The following ZNF439 variants were observed in gnomAD, a reference collection of about 807,000 sequenced individuals.
ZNF439 encodes the protein zinc finger protein 439.
ZNF439 carries 40 observed loss-of-function variants against 47.3 expected under a neutral mutation model. The ratio of observed to expected loss-of-function variants is 0.85; its 90% confidence interval spans 0.66 to 1.10. The LOEUF is 1.10. ZNF439 is among the 50% of genes least tolerant of loss of function. ZNF439 has a pLI of 0.00. For missense variants in ZNF439, 556 were observed against 601.1 expected (o/e 0.93, Z 0.78); for synonymous variants, 171 against 198.8 (o/e 0.86, Z 1.18).
In ZNF439 at chr19:11,866,612, T is replaced by C. The variant is rs1213995960; in HGVS notation, c.251+15T>C. 1.2e-6 allele frequency: 2 copies of C among 1,610,892 alleles called. No homozygotes were observed. Among genetic ancestry groups the C allele is most frequent in the Non-Finnish European group, 8.5e-7 (1 of 1,177,334 alleles). ...AGAAACTTCAGGTAATTTGCACTTA[T>C]AAGAGAAAGCAGTGTCTCTCTACAC... On this transcript the variant is annotated intron_variant, in intron 3 of 3. Transcript: ENST00000682736.
chr19:11,865,184 C>G (rs557776750), intron 1 of ZNF439, among the ~76,000 whole-genome samples: 1 of 152,192 alleles, frequency 6.6e-6, no homozygotes, highest in Admixed American at 6.6e-5. Context: ...GGCTGCATTG[C>G]TCATTACTGC....
rs1257601390 is a variant in ZNF439 at position 11,867,573 on chromosome 19, A to T, written c.519A>T (p.Arg173Ser). 2 of 1,614,058 alleles carry T rather than the reference A, an allele frequency of 1.2e-6. No individual in the cohort carries two copies. Among genetic ancestry groups the T allele is most frequent in the Non-Finnish European group, 1.7e-6 (2 of 1,180,032 alleles). ...WKSQQPKKAF[R>S]YHPSLRTQER... is the part of the protein sequence containing the mutation. ...GTCAACAACCTAAAAAAGCCTTCAG[A>T]TATCACCCCTCCTTGAGAACACAAG... is the stretch of plus-strand genomic sequence containing the variant. Residue 173 changes from arginine (R) to serine (S), a missense_variant, in exon 4 of 4, where the codon AGA becomes AGT. Arg to Ser is a moderately radical substitution (Grantham distance 110). Transcript: ENST00000682736.
chr19:11,865,712 C>CAAAAAAAA (rs71166640), intron 1 of ZNF439, among the ~76,000 whole-genome samples: 6 of 81,998 alleles, frequency 7.3e-5, no homozygotes, highest in Admixed American at 3.0e-4. Context: ...TACACTATCA[C>CAAAAAAAA]AAAAAAAAAA....
chr19:11,865,243 G>C (rs774276731), intron 1 of ZNF439, among the ~76,000 whole-genome samples: 5 of 151,866 alleles, frequency 3.3e-5, no homozygotes, highest in African/African-American at 1.2e-4. Context: ...ATTACACCTG[G>C]GTATCTCTTA....
At chr19:11,863,285 C>T (rs1423609045) in intron 1 of ZNF439, among the ~76,000 whole-genome samples, 2 of 151,512 alleles carry the variant, frequency 1.3e-5, no homozygotes, top group African/African-American at 2.4e-5. Context: ...CTCAGCCTCC[C>T]GAGTAGCTGG....
At chr19:11,852,639 A>T (rs954311379) in intron 1 of ZNF439, among the ~76,000 whole-genome samples, 5 of 152,096 alleles carry the variant, frequency 3.3e-5, no homozygotes, top group African/African-American at 1.2e-4. Context: ...CCTCCCAAGT[A>T]GCTGGGATTA....
chr19:11,857,635 G>A (rs561859931), intron 1 of ZNF439: 6 of 152,316 alleles, frequency 3.9e-5, no homozygotes, highest in East Asian at 1.9e-4. Context: ...CAATTGCTGC[G>A]GGGAAATCTA....
intron 1 of ZNF439, among the ~76,000 whole-genome samples, chr19:11,855,594 G>A (rs976081462): frequency 5.3e-5 from 8 of 152,082 alleles, no homozygotes; most frequent in African/African-American, 1.4e-4. Context: ...GGGGAGTTAG[G>A]GGTCCTGGAG....
Position 11,859,274 on chromosome 19 carries a change from C to T in ZNF439, c.64-6931C>T, listed in dbSNP as rs114046952. On this transcript the variant is annotated intron_variant, in intron 1 of 3. Coordinates refer to ENST00000682736, the MANE Select transcript of ZNF439 (RefSeq NM_001348719.2). ...GAACCCCTTCCTCTGGAATTGTGGC[C>T]CAGGCACATTTAGCAGCCAGTGCAC... is the stretch of plus-strand genomic sequence containing the variant. Among the ~76,000 whole-genome samples, 843 of 152,262 alleles carry T rather than the reference C, an allele frequency of 5.5e-3. 10 individuals carry two copies. The highest frequency in any genetic ancestry group is 0.02 in the African/African-American group (813 of 41,536).
chr19:11,858,371 CAGG>C (rs1281460128), intron 1 of ZNF439: 1 of 149,682 alleles, frequency 6.7e-6, no homozygotes, highest in Non-Finnish European at 1.5e-5. Flanking sequence ...GAGGCTGAAA[CAGG>C]AGAATGGCGT....
intron 1 of ZNF439, chr19:11,849,322 A>G (rs1976165637): frequency 5.0e-6 from 5 of 992,542 alleles, no homozygotes; most frequent in Non-Finnish European, 6.0e-6. Flanking sequence ...AGGTACGTTA[A>G]CAAAAAGTTC....
intron 1 of ZNF439, among the ~76,000 whole-genome samples, chr19:11,864,589 G>A (rs914559959): frequency 6.6e-6 from 1 of 151,794 alleles, no homozygotes; most frequent in Admixed American, 6.6e-5. Flanking sequence ...AAGCCAACAC[G>A]CCTGGCTGCT....
In ZNF439 at chr19:11,866,210, A is replaced by G; in HGVS notation, c.69A>G (p.Pro23=). Residue 23 remains proline, a synonymous_variant, in exon 2 of 4, where the codon CCA becomes CCG. Transcript: ENST00000682736. The stretch of plus-strand genomic sequence containing the variant: ...ACACATGTGAGATGTTTCAGGACCC[A>G]GTGGCTTTTAAGGATGTGGCTGTGA... ...PGTSESREMD[P]VAFKDVAVNF... is the part of the protein sequence containing the mutation. The G allele has an allele frequency of 6.2e-7, 1 of 1,614,162 alleles. No homozygotes were observed. Among genetic ancestry groups the G allele is most frequent in the Non-Finnish European group, 8.5e-7 (1 of 1,180,026 alleles).
At chr19:11,861,015 G>C (rs1376753225) in intron 1 of ZNF439, among the ~76,000 whole-genome samples, 1 of 152,132 alleles carries the variant, frequency 6.6e-6, no homozygotes, top group Non-Finnish European at 1.5e-5. Flanking sequence ...CACTACACAC[G>C]GTTCGGCCTC....
At chr19:11,852,277 A>C (rs1272858687) in intron 1 of ZNF439, among the ~76,000 whole-genome samples, 1 of 152,176 alleles carries the variant, frequency 6.6e-6, no homozygotes, top group Non-Finnish European at 1.5e-5. Context: ...AATCATATTA[A>C]ATAAATTAAA....
At chr19:11,858,099 C>T (rs540465401) in intron 1 of ZNF439, 2 of 152,248 alleles carry the variant, frequency 1.3e-5, no homozygotes, top group South Asian at 4.1e-4. Context: ...AACAGGTTCT[C>T]TTGGATGAAT....
intron 1 of ZNF439, among the ~76,000 whole-genome samples, chr19:11,855,520 A>C (rs1387153460): frequency 6.6e-6 from 1 of 152,106 alleles, no homozygotes; most frequent in African/African-American, 2.4e-5. Context: ...ACACAAAGGG[A>C]GTCCTTCTAG....
At chr19:11,863,215 GCA>G in intron 1 of ZNF439, among the ~76,000 whole-genome samples, 1 of 142,536 alleles carries the variant, frequency 7.0e-6, no homozygotes, top group East Asian at 2.1e-4. Flanking sequence ...GAGTGCCGTG[GCA>G]CAGTCTCGGC....
intron 1 of ZNF439, among the ~76,000 whole-genome samples, chr19:11,854,951 G>A (rs1018854323): frequency 2.6e-5 from 4 of 152,134 alleles, no homozygotes; most frequent in Admixed American, 1.3e-4. Context: ...CATTAAAACT[G>A]TGTTGCTTAC....
Sources: allele counts gnomAD v4.1 joint callset (sites outside exome capture counted in the v4.1 genomes callset), GRCh38; gene constraint gnomAD v4.1.1; transcripts MANE v1.5; gene names NCBI Gene and HGNC (gene_info 2026-07-23, HGNC 2026-07-21).